LYPLAL1: variants seen among roughly 807,000 people sequenced by gnomAD.
LYPLAL1 encodes lysophospholipase-like protein 1.
LYPLAL1 carries 23 observed loss-of-function variants against 19.7 expected under a neutral mutation model. The ratio of observed to expected loss-of-function variants is 1.17; its 90% CI spans 0.84 to 1.65. LYPLAL1 has a LOEUF of 1.65. LYPLAL1 is among the 40% of genes most tolerant of loss of function. The probability of loss-of-function intolerance (pLI) is 0.00; values close to 1 mark genes in which losing one functional copy is unlikely to be tolerated. For missense variants in LYPLAL1, 355 were observed against 279.4 expected, an observed-to-expected ratio of 1.27 and a Z score of -1.93; for synonymous variants, 119 against 96.3, an observed-to-expected ratio of 1.24 and a Z score of -1.38.
intron 3 of LYPLAL1, among the ~76,000 whole-genome samples, chr1:219,199,213 A>C (rs1275193134): frequency 6.6e-6 from 1 of 152,180 alleles, no homozygotes; most frequent in Non-Finnish European, 1.5e-5. Flanking sequence ...GTATGATTAG[A>C]ATATCCGAAG....
the LYPLAL1 span, among the ~76,000 whole-genome samples, chr1:219,261,135 G>GA: frequency 1.3e-4 from 20 of 152,126 alleles, no homozygotes; most frequent in African/African-American, 4.8e-4. Context: ...AAAAGAAAGA[G>GA]AAAAAATAAG....
chr1:219,313,257 CCAA>C, the LYPLAL1 span, among the ~76,000 whole-genome samples: 720 of 152,270 alleles, frequency 4.7e-3, 8 homozygotes, highest in African/African-American at 0.016. Flanking sequence ...TTGTGAGTCA[CCAA>C]CAACAAACTA....
the LYPLAL1 span, among the ~76,000 whole-genome samples, chr1:219,267,617 G>A: frequency 1.6e-4 from 24 of 152,206 alleles, no homozygotes; most frequent in Middle Eastern, 6.8e-3. Flanking sequence ...AAATCCTTTT[G>A]AGGGCTTCTG....
the LYPLAL1 span, among the ~76,000 whole-genome samples, chr1:219,341,029 T>A: frequency 6.6e-6 from 1 of 152,106 alleles, no homozygotes; most frequent in African/African-American, 2.4e-5. Flanking sequence ...GTGCAAGGCC[T>A]TATTCACTAA....
the LYPLAL1 span, among the ~76,000 whole-genome samples, chr1:219,327,114 A>G: frequency 6.6e-6 from 1 of 152,116 alleles, no homozygotes; most frequent in African/African-American, 2.4e-5. Context: ...AAAAACAAAC[A>G]AACAAAAAAA....
At chr1:219,427,028 T>C in the LYPLAL1 span, among the ~76,000 whole-genome samples, 1 of 152,258 alleles carries the variant, frequency 6.6e-6, no homozygotes, top group Non-Finnish European at 1.5e-5. Flanking sequence ...CCTAGCCCCA[T>C]ATTATAATAA....
chr1:219,357,374 C>T, the LYPLAL1 span, among the ~76,000 whole-genome samples: 1 of 151,910 alleles, frequency 6.6e-6, no homozygotes, highest in African/African-American at 2.4e-5. Flanking sequence ...ATGAAATCAA[C>T]AGTAAGAAAA....
the LYPLAL1 span, among the ~76,000 whole-genome samples, chr1:219,384,829 A>G: frequency 6.6e-6 from 1 of 152,226 alleles, no homozygotes; most frequent in South Asian, 2.1e-4. Context: ...AATTCATCAA[A>G]CAGAAATATA....
In LYPLAL1 at chr1:219,211,859, A is replaced by T; in HGVS notation, c.*131A>T. The T allele has an allele frequency of 1.7e-6, 1 of 603,432 alleles. No homozygotes were observed. Among genetic ancestry groups the T allele is most frequent in the Non-Finnish European group, 2.8e-6 (1 of 355,844 alleles). 37.4% of individuals were successfully genotyped at this position (603,432 alleles called of 1,614,324 possible). A position where few individuals can be genotyped will look rare whatever the true frequency, so the allele number is the denominator to read the frequency against. ...TGACTTTTTTATTATTAAAATGCTTATCACTGTAGACAGTAGCTAATCTTA... is the reference window on the plus strand; with the variant it reads ...TGACTTTTTTATTATTAAAATGCTTTTCACTGTAGACAGTAGCTAATCTTA... On this transcript the variant is annotated 3_prime_UTR_variant, in exon 5 of 5. Transcript: ENST00000366928.
At chr1:219,349,592 C>T in the LYPLAL1 span, among the ~76,000 whole-genome samples, 9 of 152,188 alleles carry the variant, frequency 5.9e-5, no homozygotes, top group African/African-American at 2.2e-4. Context: ...CCTATGCATG[C>T]ATGTATGTAT....
At chr1:219,336,840 C>A in the LYPLAL1 span, among the ~76,000 whole-genome samples, 1 of 151,900 alleles carries the variant, frequency 6.6e-6, no homozygotes, top group Non-Finnish European at 1.5e-5. Flanking sequence ...AGAAATCTGC[C>A]TCAATATTAT....
chr1:219,282,463 G>A, the LYPLAL1 span, among the ~76,000 whole-genome samples: 1 of 149,470 alleles, frequency 6.7e-6, no homozygotes, highest in African/African-American at 2.5e-5. Context: ...AAAGACATGT[G>A]TCTTCCCATT....
At chr1:219,279,617 C>T in the LYPLAL1 span, among the ~76,000 whole-genome samples, 1 of 152,164 alleles carries the variant, frequency 6.6e-6, no homozygotes, top group Non-Finnish European at 1.5e-5. Flanking sequence ...AAACTGAAGT[C>T]TGCTATCCAA....
the LYPLAL1 span, among the ~76,000 whole-genome samples, chr1:219,288,518 C>T: frequency 7.2e-5 from 11 of 152,014 alleles, no homozygotes; most frequent in East Asian, 3.9e-4. Flanking sequence ...AAAATTTTCA[C>T]GGAAGCACAG....
chr1:219,250,255 C>A, the LYPLAL1 span, among the ~76,000 whole-genome samples: 1 of 151,728 alleles, frequency 6.6e-6, no homozygotes, highest in Non-Finnish European at 1.5e-5. Flanking sequence ...TTACATAGAA[C>A]CATTTACTGA....
At chr1:219,204,576 C>T (rs1010444607) in intron 3 of LYPLAL1, among the ~76,000 whole-genome samples, 4 of 152,136 alleles carry the variant, frequency 2.6e-5, no homozygotes, top group Non-Finnish European at 5.9e-5. Flanking sequence ...CTATATTGCA[C>T]TGGATAGTTT....
At chr1:219,440,208 A>T in the LYPLAL1 span, among the ~76,000 whole-genome samples, 7 of 151,934 alleles carry the variant, frequency 4.6e-5, no homozygotes, top group South Asian at 1.5e-3. Context: ...AAAAATATGT[A>T]ACGTAGATTA....
chr1:219,207,993 C>T (rs1189191905), intron 3 of LYPLAL1, among the ~76,000 whole-genome samples: 2 of 152,038 alleles, frequency 1.3e-5, no homozygotes, highest in African/African-American at 2.4e-5. Flanking sequence ...AATCCCATCT[C>T]TTCCTCTCTC....
chr1:219,304,593 TAACAA>T, the LYPLAL1 span, among the ~76,000 whole-genome samples: 1 of 152,210 alleles, frequency 6.6e-6, no homozygotes, highest in Admixed American at 6.5e-5. Context: ...TCCATTCCTT[TAACAA>T]ATTAGCAGTG....
Sources: allele counts gnomAD v4.1 joint callset (sites outside exome capture counted in the v4.1 genomes callset), GRCh38; gene constraint gnomAD v4.1.1; transcripts MANE v1.5; gene names NCBI Gene and HGNC (gene_info 2026-07-23, HGNC 2026-07-21).